The following AFF3 variants were observed in gnomAD, a reference collection of about 807,000 sequenced individuals.
AFF3 encodes ALF transcription elongation factor 3, also known as AF4/FMR2 family member 3.
A neutral mutation model predicts 129.7 loss-of-function variants in AFF3; 32 were observed. The ratio of observed to expected loss-of-function variants is 0.25; its 90% CI spans 0.19 to 0.33. The LOEUF (loss-of-function observed/expected upper bound fraction) is 0.33. AFF3 is among the 10% of genes least tolerant of loss of function. The pLI, the probability that AFF3 is intolerant of heterozygous loss-of-function variation, is 1.00. For missense variants in AFF3, 1,373 were observed against 1,592.0 expected (o/e 0.86, Z 2.34); for synonymous variants, 644 against 635.4 (o/e 1.01, Z -0.20).
At chr2:100,073,190 A>T (rs13001783) in intron 4 of AFF3, among the ~76,000 whole-genome samples, 23,540 of 152,214 alleles carry the variant, frequency 0.15, 2,031 homozygotes, top group East Asian at 0.28. Flanking sequence ...TTATTTGAAA[A>T]TGAGGTTGTT....
intron 13 of AFF3, among the ~76,000 whole-genome samples, chr2:99,625,294 T>C (rs1249044618): frequency 1.3e-5 from 2 of 152,180 alleles, no homozygotes; most frequent in African/African-American, 2.4e-5. Context: ...CCCGTGAAAT[T>C]TGAATTTCAG....
chr2:99,821,000 G>A (rs1329707295), intron 8 of AFF3, among the ~76,000 whole-genome samples: 1 of 151,026 alleles, frequency 6.6e-6, no homozygotes, highest in Non-Finnish European at 1.5e-5. Context: ...AGCCTCCTGA[G>A]TAGCTGGGAT....
chr2:99,824,605 C>T (rs1044321816), intron 8 of AFF3, among the ~76,000 whole-genome samples: 5 of 152,310 alleles, frequency 3.3e-5, no homozygotes, highest in Non-Finnish European at 5.9e-5. Flanking sequence ...CACTTGCATA[C>T]ATAGGTGTAC....
intron 2 of AFF3, chr2:100,110,096 T>C (rs1691464630): frequency 6.6e-6 from 1 of 152,204 alleles, no homozygotes; most frequent in Non-Finnish European, 1.5e-5. Flanking sequence ...ACGTCTTCCT[T>C]TGCAACATGA....
intron 4 of AFF3, among the ~76,000 whole-genome samples, chr2:100,048,673 TC>T (rs924488261): frequency 1.3e-5 from 2 of 152,214 alleles, no homozygotes; most frequent in African/African-American, 4.8e-5. Context: ...TCAGAGCATT[TC>T]CCGTTTTTGT....
intron 8 of AFF3, among the ~76,000 whole-genome samples, chr2:99,808,442 T>C (rs1576045517): frequency 6.6e-6 from 1 of 152,220 alleles, no homozygotes; most frequent in East Asian, 1.9e-4. Flanking sequence ...GGCTACCAGA[T>C]GCCCAGGTAC....
intron 7 of AFF3, among the ~76,000 whole-genome samples, chr2:99,904,869 G>A (rs1694599613): frequency 1.3e-5 from 2 of 152,052 alleles, no homozygotes; most frequent in African/African-American, 4.8e-5. Flanking sequence ...TAGAGTTCGA[G>A]CCGTTCCCAT....
chr2:99,896,206 G>A (rs961017527), intron 7 of AFF3, among the ~76,000 whole-genome samples: 5 of 151,858 alleles, frequency 3.3e-5, no homozygotes, highest in African/African-American at 9.7e-5. Context: ...GGAGGCCTAA[G>A]TTGGTTGTAT....
chr2:99,655,833 A>C lies in AFF3; in HGVS notation c.1144-6167T>G, dbSNP rs78886119. Among the ~76,000 whole-genome samples, 160 of 152,270 alleles carry C rather than the reference A, an allele frequency of 1.1e-3. 1 individual carries two copies. The East Asian group carries it at 0.028, about 27-fold the overall frequency. ...AATGGAATTGGGTAGGAAGCGACAA[A>C]GTTTGAGGTTATTGCAGTGATGTGG... is the stretch of plus-strand genomic sequence containing the variant. On this transcript the variant is annotated intron_variant, in intron 12 of 24. Coordinates refer to ENST00000672756, the MANE Select transcript of AFF3 (RefSeq NM_001386135.1).
chr2:99,887,897 A>C lies in AFF3; in HGVS notation c.874-50373T>G, dbSNP rs549839104. 5.3e-5 allele frequency among the ~76,000 whole-genome samples: 8 copies of C among 152,258 alleles called. No homozygotes were observed. The South Asian group carries it at 1.7e-3, about 32-fold the overall frequency. ...CAGATCATTCAGCTGTGTAGGGAAG[A>C]GACAGGCTTCCATCCAGGGCCACCC... On this transcript the variant is annotated intron_variant, in intron 7 of 24. Transcript: ENST00000672756.
intron 7 of AFF3, among the ~76,000 whole-genome samples, chr2:99,930,696 G>T (rs188915889): frequency 2.6e-5 from 4 of 152,164 alleles, no homozygotes; most frequent in East Asian, 1.9e-4. Flanking sequence ...TATGCAGATG[G>T]GGGGAGGGAA....
At chr2:100,011,502 G>C (rs766332475) in intron 4 of AFF3, 1 of 780,976 alleles carries the variant, frequency 1.3e-6, no homozygotes, top group Non-Finnish European at 2.4e-6. Flanking sequence ...AATACCTCCT[G>C]CATCTGCTGG....
chr2:100,057,027 A>C (rs1193104483), intron 4 of AFF3, among the ~76,000 whole-genome samples: 3 of 152,198 alleles, frequency 2.0e-5, no homozygotes, highest in Admixed American at 2.0e-4. Flanking sequence ...TTCTGTTGAA[A>C]ACTTTGGCCA....
chr2:99,965,789 G>A (rs544880162), intron 7 of AFF3, among the ~76,000 whole-genome samples: 1 of 152,274 alleles, frequency 6.6e-6, no homozygotes, highest in South Asian at 2.1e-4. Flanking sequence ...CAGGTGACCC[G>A]TTAGAAGTGG....
chr2:100,057,912 T>C (rs1352537670), intron 4 of AFF3, among the ~76,000 whole-genome samples: 1 of 152,236 alleles, frequency 6.6e-6, no homozygotes, highest in East Asian at 1.9e-4. Context: ...TTATTCTTCA[T>C]GGTTCCCTTG....
intron 11 of AFF3, among the ~76,000 whole-genome samples, chr2:99,703,855 C>G (rs756555601): frequency 2.4e-4 from 37 of 152,222 alleles, no homozygotes; most frequent in Non-Finnish European, 2.8e-4. Flanking sequence ...GTCACTGCAA[C>G]TGGCCTTGAA....
chr2:100,011,991 G>C (rs1682592294), intron 4 of AFF3, among the ~76,000 whole-genome samples: 1 of 151,936 alleles, frequency 6.6e-6, no homozygotes. Context: ...ATACCCCAAA[G>C]CACTCCAAGA....
chr2:99,947,113 A>AC (rs931028767), intron 7 of AFF3, among the ~76,000 whole-genome samples: 34 of 152,182 alleles, frequency 2.2e-4, no homozygotes, highest in African/African-American at 8.2e-4. Flanking sequence ...GGCGCATAAC[A>AC]CATCTAAACA....
At chr2:99,637,744 CT>C (rs1575569828) in intron 13 of AFF3, among the ~76,000 whole-genome samples, 1 of 152,332 alleles carries the variant, frequency 6.6e-6, no homozygotes. Context: ...GTGACAAACA[CT>C]GAAAACTATG....
Sources: gnomAD v4.1 joint callset for allele counts (sites outside exome capture counted in the v4.1 genomes callset) on GRCh38, gnomAD v4.1.1 for gene constraint, MANE v1.5 for transcripts, NCBI Gene and HGNC (gene_info 2026-07-23, HGNC 2026-07-21) for gene names.